Variants in TENM2 observed in about 807,000 individuals in gnomAD.
TENM2 encodes teneurin-2.
Under a neutral mutation model 245.2 loss-of-function variants are expected in TENM2, and 52 were observed. The observed-to-expected ratio is 0.21, with a 90% CI of 0.17 to 0.27. The LOEUF (loss-of-function observed/expected upper bound fraction) is 0.27, where lower values mean the gene tolerates loss of function less well. Ranked by LOEUF, TENM2 falls within the 10% of genes least tolerant of loss-of-function variation. TENM2 has a pLI of 1.00. For missense variants in TENM2, 3,046 were observed against 3,666.8 expected, an observed-to-expected ratio of 0.83 and a Z score of 4.37; for synonymous variants, 1,363 against 1,438.9, an observed-to-expected ratio of 0.95 and a Z score of 1.19.
At chr5:168,061,175 A>T (rs1790005397) in intron 6 of TENM2, among the ~76,000 whole-genome samples, 1 of 152,216 alleles carries the variant, frequency 6.6e-6, no homozygotes, top group Non-Finnish European at 1.5e-5. Flanking sequence ...CAAGTTCAGA[A>T]TCGATTTGAA....
At chr5:167,019,670 A>G in the TENM2 span, among the ~76,000 whole-genome samples, 1 of 151,894 alleles carries the variant, frequency 6.6e-6, no homozygotes, top group Non-Finnish European at 1.5e-5. Flanking sequence ...GGGTCTCACC[A>G]TGTTGGCCCA....
intron 2 of TENM2, among the ~76,000 whole-genome samples, chr5:167,643,460 T>C (rs551368921): frequency 6.6e-6 from 1 of 152,248 alleles, no homozygotes; most frequent in African/African-American, 2.4e-5. Context: ...AGTGGTTCAT[T>C]TTTTTTCCAC....
intron 4 of TENM2, among the ~76,000 whole-genome samples, chr5:167,973,370 T>C (rs972935762): frequency 3.9e-5 from 6 of 152,208 alleles, no homozygotes. Flanking sequence ...ACCAGCTGTG[T>C]TCATAGGACT....
exon 27 of TENM2, chr5:168,248,202 G>C (rs1325157995): frequency 1.2e-6 from 2 of 1,613,930 alleles, no homozygotes; most frequent in East Asian, 2.2e-5. Flanking sequence ...CCCTGACCAA[G>C]CTGGTCCACT....
Position 167,818,877 on chromosome 5 carries a change from A to G in TENM2, c.503-57109A>G, listed in dbSNP as rs149156898. Among the ~76,000 whole-genome samples the G allele has an allele frequency of 6.4e-3, 982 of 152,288 alleles. 12 individuals are homozygous for G. The highest frequency in any genetic ancestry group is 0.022 in the African/African-American group (935 of 41,556). On this transcript the variant is annotated intron_variant, in intron 2 of 28. Coordinates refer to ENST00000518659, the Ensembl canonical transcript of TENM2. The stretch of plus-strand genomic sequence containing the variant: ...AGGAACCGCTTCAAGCTGAGAGCAC[A>G]GTTGTTTCCAGATGTGGCCAGGGCC...
the TENM2 span, among the ~76,000 whole-genome samples, chr5:167,079,258 C>CATAT: frequency 0.012 from 1,702 of 140,672 alleles, 32 homozygotes; most frequent in African/African-American, 0.044. Context: ...TATATACATC[C>CATAT]ATATATATAT....
chr5:167,346,431 G>T (rs1758461905), intron 1 of TENM2, among the ~76,000 whole-genome samples: 1 of 152,124 alleles, frequency 6.6e-6, no homozygotes, highest in African/African-American at 2.4e-5. Flanking sequence ...ATAAACATAT[G>T]ATTTATCCAT....
chr5:168,243,379 T>A (rs1389093963), intron 25 of TENM2, among the ~76,000 whole-genome samples: 1 of 152,210 alleles, frequency 6.6e-6, no homozygotes, highest in Non-Finnish European at 1.5e-5. Flanking sequence ...AATCAGTTCA[T>A]CCCTTTGTTG....
At chr5:167,840,322 T>C (rs1204206121) in intron 2 of TENM2, among the ~76,000 whole-genome samples, 1 of 152,180 alleles carries the variant, frequency 6.6e-6, no homozygotes, top group Non-Finnish European at 1.5e-5. Context: ...GGGATCCAAC[T>C]CTACAGTGTG....
intron 1 of TENM2, among the ~76,000 whole-genome samples, chr5:167,336,966 A>C (rs1040485346): frequency 4.1e-4 from 62 of 150,426 alleles, no homozygotes; most frequent in Non-Finnish European, 7.4e-4. Flanking sequence ...AAATACAAAA[A>C]ATTAGCCGGG....
At chr5:168,233,340 C>G (rs1285743373) in intron 25 of TENM2, among the ~76,000 whole-genome samples, 1 of 152,072 alleles carries the variant, frequency 6.6e-6, no homozygotes, top group Non-Finnish European at 1.5e-5. Flanking sequence ...AAAAAAGAAG[C>G]AGTTACATCA....
At chr5:167,631,514 C>T (rs904015864) in intron 2 of TENM2, among the ~76,000 whole-genome samples, 11 of 152,076 alleles carry the variant, frequency 7.2e-5, no homozygotes, top group Admixed American at 5.9e-4. Context: ...CTGGTGCAGG[C>T]AGGGGCCAGC....
At chr5:167,384,366 G>A (rs1017138684) in intron 2 of TENM2, among the ~76,000 whole-genome samples, 1 of 152,112 alleles carries the variant, frequency 6.6e-6, no homozygotes, top group Admixed American at 6.6e-5. Context: ...TGAGATGATG[G>A]ATATTCTAAA....
chr5:168,052,002 G>A (rs974237088), intron 6 of TENM2, among the ~76,000 whole-genome samples: 5 of 152,160 alleles, frequency 3.3e-5, no homozygotes, highest in African/African-American at 1.2e-4. Context: ...GCTCACGCCT[G>A]TAATCCCAAC....
intron 2 of TENM2, among the ~76,000 whole-genome samples, chr5:167,407,111 T>C (rs1421449055): frequency 6.6e-6 from 1 of 152,184 alleles, no homozygotes; most frequent in Non-Finnish European, 1.5e-5. Context: ...ATATACCACC[T>C]GCTTTGCCCT....
the TENM2 span, among the ~76,000 whole-genome samples, chr5:167,135,994 A>C: frequency 3.3e-5 from 5 of 152,214 alleles, no homozygotes; most frequent in Non-Finnish European, 5.9e-5. Context: ...AAAGTAGCTT[A>C]CAACTCCATA....
chr5:167,659,011 T>A (rs529737112), intron 2 of TENM2, among the ~76,000 whole-genome samples: 1 of 152,330 alleles, frequency 6.6e-6, no homozygotes, highest in East Asian at 1.9e-4. Context: ...ATTACACTCT[T>A]TTCAAATAAA....
intron 5 of TENM2, among the ~76,000 whole-genome samples, chr5:168,036,677 G>GCATATA (rs1787709486): frequency 2.5e-5 from 3 of 117,790 alleles, no homozygotes; most frequent in African/African-American, 6.8e-5. Context: ...ATATGTATGT[G>GCATATA]TATATATATA....
chr5:167,003,825 A>C, the TENM2 span, among the ~76,000 whole-genome samples: 4 of 152,184 alleles, frequency 2.6e-5, no homozygotes, highest in African/African-American at 9.6e-5. Flanking sequence ...AATGCTTTAC[A>C]TAACACATGT....
Sources: gnomAD v4.1 joint callset for allele counts (sites outside exome capture counted in the v4.1 genomes callset) on GRCh38, gnomAD v4.1.1 for gene constraint, MANE v1.5 for transcripts, NCBI Gene and HGNC (gene_info 2026-07-23, HGNC 2026-07-21) for gene names.